Variants in KCNMA1 observed in about 807,000 individuals in gnomAD.
KCNMA1 encodes the protein Calcium-activated potassium channel subunit alpha-1.
In KCNMA1, 29 loss-of-function variants were observed where a neutral mutation model predicts 140.0. The observed-to-expected ratio is 0.21, with a 90% confidence interval of 0.15 to 0.28. The LOEUF (loss-of-function observed/expected upper bound fraction) is 0.28. Ranked by LOEUF, KCNMA1 falls within the 10% of genes least tolerant of loss-of-function variation. KCNMA1 has a pLI of 1.00. For synonymous variants in KCNMA1, 612 were observed against 611.9 expected (o/e 1.00, Z 0.00); for missense variants, 880 against 1,602.2 (o/e 0.55, Z 7.70).
chr10:77,134,607 T>C (rs2097941806), intron 5 of KCNMA1, among the ~76,000 whole-genome samples: 1 of 152,050 alleles, frequency 6.6e-6, no homozygotes, highest in African/African-American at 2.4e-5. Flanking sequence ...CAATAATTTT[T>C]TGGAAATGAC....
chr10:77,373,825 C>T (rs1339780164), intron 2 of KCNMA1: 3 of 152,114 alleles, frequency 2.0e-5, no homozygotes, highest in Non-Finnish European at 4.4e-5. Flanking sequence ...CCCAGGAAGA[C>T]TGTGAAAAAG....
At chr10:77,160,284 A>T (rs1191427787) in intron 5 of KCNMA1, among the ~76,000 whole-genome samples, 1 of 152,074 alleles carries the variant, frequency 6.6e-6, no homozygotes, top group Non-Finnish European at 1.5e-5. Context: ...GAAGGATGCA[A>T]ATTCCTCCCC....
chr10:76,936,760 G>A (rs2060670252), intron 23 of KCNMA1, among the ~76,000 whole-genome samples: 1 of 152,164 alleles, frequency 6.6e-6, no homozygotes, highest in Non-Finnish European at 1.5e-5. Flanking sequence ...AAAGGCAGGT[G>A]TGGAAGGGTG....
At chr10:76,881,418 T>G (rs559618515), downstream of KCNMA1, among the ~76,000 whole-genome samples, 7 of 152,264 alleles carry the variant, frequency 4.6e-5, no homozygotes, top group South Asian at 1.5e-3. Flanking sequence ...AAATGTGAGT[T>G]GTTAAGGTTA....
exon 30 of KCNMA1, chr10:76,877,843 T>C: frequency 6.2e-7 from 1 of 1,609,484 alleles, no homozygotes; most frequent in Non-Finnish European, 8.5e-7. Context: ...TTGATTTGAA[T>C]GTTTCTGGGA....
In KCNMA1 at chr10:77,523,203, G is replaced by GCCCC. The variant is rs10623337; in HGVS notation, c.378+114058_378+114061dup. Among the ~76,000 whole-genome samples, 514 of 142,468 alleles carry GCCCC rather than the reference G, an allele frequency of 3.6e-3. 4 individuals are homozygous for GCCCC. The highest frequency in any genetic ancestry group is 0.027 in the East Asian group (115 of 4,194). The allele number at this position is 142,468 out of a possible 152,430, so 93.5% of individuals were successfully genotyped here. A position where few individuals can be genotyped will look rare whatever the true frequency, so the allele number is the denominator to read the frequency against. On this transcript the variant is annotated intron_variant, in intron 1 of 27. Coordinates refer to ENST00000286628, the MANE Select transcript of KCNMA1 (RefSeq NM_001161352.2). The stretch of plus-strand genomic sequence containing the variant: ...CTATGTCTTACTCAACCTTGGACGT[G>GCCCC]CCCCCCCCCCTTGCAATCACACCAC...
intron 6 of KCNMA1, among the ~76,000 whole-genome samples, chr10:77,115,030 T>C (rs2097423680): frequency 6.6e-6 from 1 of 152,254 alleles, no homozygotes; most frequent in South Asian, 2.1e-4. Context: ...GCTCACCACA[T>C]GTGCCACCAT....
intron 15 of KCNMA1, among the ~76,000 whole-genome samples, chr10:77,036,087 A>C (rs569251103): frequency 6.6e-6 from 1 of 152,314 alleles, no homozygotes; most frequent in East Asian, 1.9e-4. Flanking sequence ...AAGTGGAAGG[A>C]CTAGACTTGT....
intron 14 of KCNMA1, among the ~76,000 whole-genome samples, chr10:77,060,299 T>G (rs1410376766): frequency 1.3e-5 from 2 of 152,206 alleles, no homozygotes; most frequent in African/African-American, 4.8e-5. Context: ...AACTTTGTAA[T>G]GCCCATTTTA....
At chr10:77,238,072 T>A (rs1359402898) in intron 3 of KCNMA1, among the ~76,000 whole-genome samples, 1 of 152,064 alleles carries the variant, frequency 6.6e-6, no homozygotes, top group African/African-American at 2.4e-5. Flanking sequence ...GCAGGTGAGG[T>A]CAGGAAGAAA....
At chr10:77,323,181 G>A (rs1211624869) in intron 2 of KCNMA1, among the ~76,000 whole-genome samples, 1 of 152,146 alleles carries the variant, frequency 6.6e-6, no homozygotes, top group Non-Finnish European at 1.5e-5. Flanking sequence ...AGGGACACAG[G>A]CATTCTATTA....
At chr10:77,007,172 G>A (rs1336550741) in intron 18 of KCNMA1, among the ~76,000 whole-genome samples, 1 of 152,188 alleles carries the variant, frequency 6.6e-6, no homozygotes, top group African/African-American at 2.4e-5. Flanking sequence ...ACATCTTGTT[G>A]AGTAAAAGGG....
intron 1 of KCNMA1, among the ~76,000 whole-genome samples, chr10:77,506,596 A>AGAGAGTGTGTGTGTGTGTGTGTGT: frequency 2.4e-5 from 2 of 83,570 alleles, no homozygotes; most frequent in East Asian, 8.9e-4. Flanking sequence ...AGAGAGAGAG[A>AGAGAGTGTGTGTGTGTGTGTGTGT]GTGTGTGTGT....
chr10:77,103,329 G>A (rs1418209599), intron 9 of KCNMA1, among the ~76,000 whole-genome samples: 1 of 152,152 alleles, frequency 6.6e-6, no homozygotes, highest in Non-Finnish European at 1.5e-5. Flanking sequence ...GGCTCCTGAG[G>A]GTGAATATTC....
chr10:76,887,062 C>CT lies in KCNMA1; in HGVS notation c.*203dup. ...GAATCATAAATAACTTTTGGTCCGTCTGCTTATTTGCTGTTGTGCTCAAGG... is the reference window on the plus strand; with the variant it reads ...GAATCATAAATAACTTTTGGTCCGTCTTGCTTATTTGCTGTTGTGCTCAAGG... On this transcript the variant is annotated 3_prime_UTR_variant, in exon 28 of 28. Transcript: ENST00000286628. The CT allele has an allele frequency of 6.7e-7, 1 of 1,490,014 alleles. No homozygotes were observed. The highest frequency in any genetic ancestry group is 2.0e-5 in the Admixed American group (1 of 49,954). 92.3% of individuals were successfully genotyped at this position (1,490,014 alleles called of 1,614,324 possible). A position where few individuals can be genotyped will look rare whatever the true frequency, so the allele number is the denominator to read the frequency against.
intron 2 of KCNMA1, among the ~76,000 whole-genome samples, chr10:77,321,787 C>A (rs1293504182): frequency 6.6e-6 from 1 of 152,066 alleles, no homozygotes; most frequent in East Asian, 1.9e-4. Context: ...CTTTCTGCTT[C>A]AGTAAATCAT....
intron 2 of KCNMA1, among the ~76,000 whole-genome samples, chr10:77,291,862 T>G (rs2073384019): frequency 6.6e-6 from 1 of 152,180 alleles, no homozygotes; most frequent in Non-Finnish European, 1.5e-5. Flanking sequence ...GAGGCTCCAG[T>G]ATGTTAGATA....
intron 1 of KCNMA1, among the ~76,000 whole-genome samples, chr10:77,405,728 C>T (rs1325613543): frequency 6.6e-6 from 1 of 152,170 alleles, no homozygotes; most frequent in East Asian, 1.9e-4. Context: ...GGAATTAATT[C>T]CCAAGGCAAA....
At chr10:77,306,134 C>T (rs1197500218) in intron 2 of KCNMA1, among the ~76,000 whole-genome samples, 1 of 152,178 alleles carries the variant, frequency 6.6e-6, no homozygotes, top group East Asian at 1.9e-4. Context: ...ACAAACATGC[C>T]CTGAGAGCCT....
Sources: allele counts gnomAD v4.1 joint callset (sites outside exome capture counted in the v4.1 genomes callset), GRCh38; gene constraint gnomAD v4.1.1; transcripts MANE v1.5; gene names NCBI Gene and HGNC (gene_info 2026-07-23, HGNC 2026-07-21).